PTPRG: variants seen among roughly 807,000 people sequenced by gnomAD.
The protein encoded by PTPRG is receptor-type tyrosine-protein phosphatase gamma.
Under a neutral mutation model 165.3 loss-of-function variants are expected in PTPRG, and 102 were observed. The ratio of observed to expected loss-of-function variants is 0.62; its 90% confidence interval spans 0.53 to 0.73. The LOEUF is 0.73. PTPRG is among the 30% of genes least tolerant of loss of function. The pLI is 0.00. For synonymous variants in PTPRG, 675 were observed against 669.5 expected (o/e 1.01, Z -0.13); for missense variants, 1,866 against 1,861.4 (o/e 1.00, Z -0.05).
At chr3:62,244,076 G>A (rs998996685) in intron 15 of PTPRG, among the ~76,000 whole-genome samples, 178 bp downstream of exon 15, 1 of 152,182 alleles carries the variant, frequency 6.6e-6, no homozygotes, top group Non-Finnish European at 1.5e-5. Context: ...AGGCAGGAAA[G>A]GGAAGTACAG....
In PTPRG at chr3:61,772,237, G is replaced by A. The variant is rs139814670; in HGVS notation, c.190+23255G>A. ...CAGGGAGGTGTAAAATATGTTCTTG[G>A]AGACTACTTTGTCTACCAGAATCTG... On this transcript the variant is annotated intron_variant, in intron 2 of 29. Transcript: ENST00000474889. Among the ~76,000 whole-genome samples the A allele has an allele frequency of 3.9e-5, 6 of 152,044 alleles. No homozygotes were observed. In the East Asian group the frequency reaches 1.2e-3, roughly 29 times the overall value.
intron 5 of PTPRG, among the ~76,000 whole-genome samples, chr3:62,121,477 G>C (rs6783985): frequency 0.018 from 2,806 of 152,214 alleles, 79 homozygotes; most frequent in African/African-American, 0.063. Flanking sequence ...GAAGAGCTGG[G>C]TTGTGAATCG....
intron 2 of PTPRG, among the ~76,000 whole-genome samples, chr3:61,756,681 AT>A (rs1248334702): frequency 6.6e-6 from 1 of 152,196 alleles, no homozygotes; most frequent in Non-Finnish European, 1.5e-5. Context: ...TTAATATATT[AT>A]CAGAGGACAT....
At chr3:62,191,100 G>T (rs757059736) in intron 8 of PTPRG, among the ~76,000 whole-genome samples, 5 of 152,086 alleles carry the variant, frequency 3.3e-5, no homozygotes, top group Non-Finnish European at 5.9e-5. Flanking sequence ...GTGTGTGTGT[G>T]CATCTGTGCC....
At chr3:61,785,183 C>T (rs1010638417) in intron 2 of PTPRG, among the ~76,000 whole-genome samples, 4 of 152,184 alleles carry the variant, frequency 2.6e-5, no homozygotes, top group Admixed American at 6.5e-5. Context: ...TGCACATTAA[C>T]CTCTGCCGTA....
chr3:61,701,023 C>A (rs574097955), intron 1 of PTPRG, among the ~76,000 whole-genome samples: 2 of 152,092 alleles, frequency 1.3e-5, no homozygotes, highest in East Asian at 3.9e-4. Context: ...GGGAAAGACT[C>A]CTGGTTTTCT....
At chr3:62,026,482 T>C (rs2041806499) in intron 4 of PTPRG, among the ~76,000 whole-genome samples, 1 of 152,148 alleles carries the variant, frequency 6.6e-6, no homozygotes. Flanking sequence ...GAGCATGAGA[T>C]TTGAACCCAG....
At chr3:61,677,020 G>C (rs545449194) in intron 1 of PTPRG, among the ~76,000 whole-genome samples, 1 of 152,256 alleles carries the variant, frequency 6.6e-6, no homozygotes, top group African/African-American at 2.4e-5. Flanking sequence ...GCTGAGGCGG[G>C]TGGATCACAA....
intron 28 of PTPRG, among the ~76,000 whole-genome samples, chr3:62,289,375 G>A (rs1232615345): frequency 6.6e-6 from 1 of 152,146 alleles, no homozygotes; most frequent in Non-Finnish European, 1.5e-5. Flanking sequence ...TCCTGGCCAA[G>A]GCTACATATG....
At chr3:62,127,178 T>C (rs1703324072) in intron 5 of PTPRG, among the ~76,000 whole-genome samples, 1 of 152,222 alleles carries the variant, frequency 6.6e-6, no homozygotes, top group African/African-American at 2.4e-5. Flanking sequence ...CAGGCAGTGA[T>C]CTCTTTCTGG....
intron 12 of PTPRG, among the ~76,000 whole-genome samples, chr3:62,216,218 GA>G (rs11386316): frequency 0.018 from 2,499 of 135,598 alleles, 60 homozygotes; most frequent in African/African-American, 0.055. Context: ...TTTCAAAAAA[GA>G]AAAAAAAAAA....
At chr3:61,681,390 T>C (rs1703435690) in intron 1 of PTPRG, among the ~76,000 whole-genome samples, 1 of 152,234 alleles carries the variant, frequency 6.6e-6, no homozygotes. Flanking sequence ...GCAATCTGCA[T>C]TTTTAATTGC....
At chr3:61,960,613 T>C (rs1162022699) in intron 2 of PTPRG, among the ~76,000 whole-genome samples, 13 of 152,144 alleles carry the variant, frequency 8.5e-5, no homozygotes, top group Non-Finnish European at 4.4e-5. Flanking sequence ...AGTCATTGTT[T>C]TTCCTTCCTA....
In PTPRG at chr3:61,562,254, C is replaced by G. The variant is rs1265908581; in HGVS notation, c.-34C>G. 6.3e-7 allele frequency: 1 copy of G among 1,596,354 alleles called. No individual in the cohort carries two copies. Among genetic ancestry groups the G allele is most frequent in the Non-Finnish European group, 8.6e-7 (1 of 1,164,112 alleles). On this transcript the variant is annotated 5_prime_UTR_variant, in exon 1 of 30. Transcript: ENST00000474889. ...AGAACTTATTCAACAAGTTTACCTC[C>G]CTGCTTTCCTCTTTTCGATGTGCGT... is the stretch of plus-strand genomic sequence containing the variant.
rs372021610 is a variant in PTPRG, at chr3:61,604,907, C to T, written c.85+42535C>T. On this transcript the variant is annotated intron_variant, in intron 1 of 29. Coordinates refer to ENST00000474889, the MANE Select transcript of PTPRG (RefSeq NM_002841.4). Reference sequence around the variant, plus strand: ...TTACCTGATTTGATCTTCATGACAACTTTACAAGTCACTCGGTCTGCTAGA... The same window carrying T: ...TTACCTGATTTGATCTTCATGACAATTTTACAAGTCACTCGGTCTGCTAGA... Among the ~76,000 whole-genome samples, 12 of 152,284 alleles carry T rather than the reference C, an allele frequency of 7.9e-5. No individual in the cohort carries two copies. The East Asian group carries it at 2.3e-3, about 29-fold the overall frequency.
chr3:62,077,686 T>C (rs1490495213), intron 4 of PTPRG, among the ~76,000 whole-genome samples: 1 of 152,026 alleles, frequency 6.6e-6, no homozygotes, highest in Non-Finnish European at 1.5e-5. Context: ...TAAAATGACA[T>C]GATGTCTGGG....
At chr3:62,225,961 G>A (rs1057266083) in intron 13 of PTPRG, among the ~76,000 whole-genome samples, 8 of 152,100 alleles carry the variant, frequency 5.3e-5, no homozygotes, top group Non-Finnish European at 1.2e-4. Flanking sequence ...GCCAAGCAAA[G>A]AACCTTTTAT....
At chr3:61,587,666 A>T (rs1475815436) in intron 1 of PTPRG, among the ~76,000 whole-genome samples, 2 of 151,770 alleles carry the variant, frequency 1.3e-5, no homozygotes, top group Non-Finnish European at 2.9e-5. Context: ...TTATTTTATT[A>T]TTTTTTTTAA....
chr3:61,707,218 G>A (rs1031540294), intron 1 of PTPRG, among the ~76,000 whole-genome samples: 4 of 152,180 alleles, frequency 2.6e-5, no homozygotes, highest in South Asian at 2.1e-4. Context: ...GCATATATGC[G>A]TTTTTACCTA....
Sources: gnomAD v4.1 joint callset for allele counts (sites outside exome capture counted in the v4.1 genomes callset) on GRCh38, gnomAD v4.1.1 for gene constraint, MANE v1.5 for transcripts, NCBI Gene and HGNC (gene_info 2026-07-23, HGNC 2026-07-21) for gene names.